Variants in GRM8 observed in about 807,000 individuals in gnomAD.
The protein encoded by GRM8 is metabotropic glutamate receptor 8.
In GRM8, 47 loss-of-function variants were observed where a neutral mutation model predicts 87.2. That is an observed-to-expected ratio of 0.54 (90% CI 0.43 to 0.69). The LOEUF (loss-of-function observed/expected upper bound fraction) is 0.69, where lower values mean the gene tolerates loss of function less well. Ranked by LOEUF, GRM8 falls within the 30% of genes least tolerant of loss-of-function variation. The pLI is 0.00. For missense variants in GRM8, 1,019 were observed against 1,139.2 expected (o/e 0.89, Z 1.52); for synonymous variants, 396 against 404.5 (o/e 0.98, Z 0.25).
intron 3 of GRM8, among the ~76,000 whole-genome samples, chr7:126,973,476 T>C (rs1351168145): frequency 6.6e-6 from 1 of 152,188 alleles, no homozygotes; most frequent in Non-Finnish European, 1.5e-5. Context: ...TTAAATAAGA[T>C]TAAAAGTATA....
At chr7:126,849,783 T>G (rs1238268660) in intron 6 of GRM8, among the ~76,000 whole-genome samples, 1 of 152,196 alleles carries the variant, frequency 6.6e-6, no homozygotes, top group African/African-American at 2.4e-5. Context: ...TCTGCATACC[T>G]TCATACCCAT....
chr7:126,689,163 GCTTA>G (rs1367413849), intron 7 of GRM8, among the ~76,000 whole-genome samples: 1 of 152,046 alleles, frequency 6.6e-6, no homozygotes, highest in East Asian at 1.9e-4. Flanking sequence ...ACTGGCCCTG[GCTTA>G]CCTCTCTGTG....
intron 8 of GRM8, among the ~76,000 whole-genome samples, chr7:126,559,941 T>C (rs991247273): frequency 3.3e-5 from 5 of 152,200 alleles, no homozygotes; most frequent in African/African-American, 4.8e-5. Flanking sequence ...GCATCAGTAA[T>C]TGTGTCAACA....
At chr7:126,821,896 C>T (rs2130181628) in intron 6 of GRM8, among the ~76,000 whole-genome samples, 1 of 152,256 alleles carries the variant, frequency 6.6e-6, no homozygotes, top group Non-Finnish European at 1.5e-5. Flanking sequence ...ACTGTGATTT[C>T]TCCTTAGTCT....
intron 7 of GRM8, among the ~76,000 whole-genome samples, chr7:126,702,191 G>C (rs1585585161): frequency 6.6e-6 from 1 of 152,192 alleles, no homozygotes; most frequent in Non-Finnish European, 1.5e-5. Flanking sequence ...AGCAGTGGAA[G>C]ACTCACACAG....
chr7:126,876,410 A>G (rs1333271476), intron 6 of GRM8, among the ~76,000 whole-genome samples: 1 of 152,244 alleles, frequency 6.6e-6, no homozygotes, highest in Admixed American at 6.5e-5. Flanking sequence ...GAATTGAGGC[A>G]GAAGATTCTG....
chr7:126,907,203 A>C (rs941822479), intron 3 of GRM8, among the ~76,000 whole-genome samples: 1 of 148,530 alleles, frequency 6.7e-6, no homozygotes, highest in Non-Finnish European at 1.5e-5. Flanking sequence ...GAGCAGATGG[A>C]AGGAGGAGGA....
chr7:126,748,329 A>G (rs1815959150), intron 7 of GRM8, among the ~76,000 whole-genome samples: 1 of 152,162 alleles, frequency 6.6e-6, no homozygotes, highest in Non-Finnish European at 1.5e-5. Flanking sequence ...AAGTGAACAT[A>G]CAAAAATAAG....
intron 3 of GRM8, among the ~76,000 whole-genome samples, chr7:127,024,832 T>A (rs1816621121): frequency 6.6e-6 from 1 of 151,954 alleles, no homozygotes. Context: ...GGCCACCTCC[T>A]CAGGGCAACC....
chr7:126,530,654 G>A (rs1814658494), intron 9 of GRM8, among the ~76,000 whole-genome samples: 1 of 152,208 alleles, frequency 6.6e-6, no homozygotes, highest in Admixed American at 6.5e-5. Flanking sequence ...TGTCTGAACA[G>A]TACAAAAGAA....
intron 8 of GRM8, among the ~76,000 whole-genome samples, chr7:126,601,144 A>C (rs868636290): frequency 7.2e-6 from 1 of 139,792 alleles, no homozygotes. Flanking sequence ...ATGTGATCTC[A>C]TTGTTCAATT....
chr7:127,228,655 T>C (rs775671220), intron 2 of GRM8: 13 of 151,968 alleles, frequency 8.6e-5, no homozygotes, highest in Non-Finnish European at 1.8e-4. Flanking sequence ...TTAGGAAAAA[T>C]AATCACTTAA....
At chr7:126,608,381 A>AC (rs1276196427) in intron 8 of GRM8, among the ~76,000 whole-genome samples, 1 of 152,124 alleles carries the variant, frequency 6.6e-6, no homozygotes, top group African/African-American at 2.4e-5. Context: ...CCCACTGGGT[A>AC]CCCATCAGAC....
intron 2 of GRM8, among the ~76,000 whole-genome samples, chr7:127,200,145 G>C (rs1182909431): frequency 1.3e-5 from 2 of 152,096 alleles, no homozygotes; most frequent in Non-Finnish European, 2.9e-5. Flanking sequence ...AATCTACCAA[G>C]TTTCCTCAGG....
intron 7 of GRM8, among the ~76,000 whole-genome samples, chr7:126,676,358 C>G (rs1806956805): frequency 6.6e-6 from 1 of 152,036 alleles, no homozygotes; most frequent in African/African-American, 2.4e-5. Flanking sequence ...TAATTTTTCA[C>G]AGAACTAAAA....
intron 7 of GRM8, among the ~76,000 whole-genome samples, chr7:126,626,821 ACCAG>A (rs1800752676): frequency 6.6e-6 from 1 of 152,126 alleles, no homozygotes; most frequent in African/African-American, 2.4e-5. Flanking sequence ...GGAGTTTGAA[ACCAG>A]CCTGGGCAAC....
intron 6 of GRM8, among the ~76,000 whole-genome samples, chr7:126,883,628 C>T (rs1211352819): frequency 6.6e-6 from 1 of 152,080 alleles, no homozygotes; most frequent in East Asian, 1.9e-4. Flanking sequence ...GACCTATGTT[C>T]TCATGAGACT....
At chr7:127,069,048 A>T (rs1469041535) in intron 3 of GRM8, among the ~76,000 whole-genome samples, 1 of 152,190 alleles carries the variant, frequency 6.6e-6, no homozygotes, top group Non-Finnish European at 1.5e-5. Flanking sequence ...AATATATGGT[A>T]CTCAGATTGG....
At chr7:126,675,108 A>G (rs1806810602) in intron 7 of GRM8, among the ~76,000 whole-genome samples, 1 of 152,248 alleles carries the variant, frequency 6.6e-6, no homozygotes, top group African/African-American at 2.4e-5. Context: ...ACATAGATCA[A>G]GATATCAGTA....
Sources: gnomAD v4.1 joint callset for allele counts (sites outside exome capture counted in the v4.1 genomes callset) on GRCh38, gnomAD v4.1.1 for gene constraint, MANE v1.5 for transcripts, NCBI Gene and HGNC (gene_info 2026-07-23, HGNC 2026-07-21) for gene names.